The following SV2C variants were observed in gnomAD, a reference collection of about 807,000 sequenced individuals.
The protein encoded by SV2C is solute carrier family 22 member B3.
A neutral mutation model predicts 79.7 loss-of-function variants in SV2C; 49 were observed. The ratio of observed to expected loss-of-function variants is 0.61; its 90% confidence interval spans 0.49 to 0.78. The LOEUF (loss-of-function observed/expected upper bound fraction) is 0.78, where lower values mean the gene tolerates loss of function less well. SV2C is among the 30% of genes least tolerant of loss of function. The pLI is 0.00. For synonymous variants in SV2C, 334 were observed against 333.2 expected (o/e 1.00, Z -0.03); for missense variants, 833 against 912.9 (o/e 0.91, Z 1.13).
At chr5:76,074,037 G>A in the SV2C span, among the ~76,000 whole-genome samples, 1 of 152,164 alleles carries the variant, frequency 6.6e-6, no homozygotes, top group Non-Finnish European at 1.5e-5. Flanking sequence ...AAGCACTGGG[G>A]TGGCCAAGGG....
intron 2 of SV2C, among the ~76,000 whole-genome samples, chr5:76,185,237 G>C (rs1743876178): frequency 6.6e-6 from 1 of 152,192 alleles, no homozygotes; most frequent in African/African-American, 2.4e-5. Flanking sequence ...GCAGGGTACA[G>C]TTGCTGCTTT....
chr5:76,289,218 T>C (rs1384396832), intron 6 of SV2C, among the ~76,000 whole-genome samples: 1 of 152,200 alleles, frequency 6.6e-6, no homozygotes, highest in Non-Finnish European at 1.5e-5. Context: ...CTCTTCTTAG[T>C]GTGCCCTTAC....
intron 1 of SV2C, among the ~76,000 whole-genome samples, chr5:76,106,042 A>G (rs1024686486): frequency 6.6e-5 from 10 of 152,134 alleles, no homozygotes; most frequent in Non-Finnish European, 1.0e-4. Flanking sequence ...CATACTCAGC[A>G]TCTCCATTGG....
intron 1 of SV2C, among the ~76,000 whole-genome samples, chr5:76,128,380 A>G (rs1237902338): frequency 6.6e-6 from 1 of 152,246 alleles, no homozygotes; most frequent in East Asian, 1.9e-4. Context: ...GACAATTTAG[A>G]GAAGCGGTTA....
rs190006349 is a variant in SV2C, at chr5:76,288,329, C to T, written c.1137+2459C>T. 2.2e-4 allele frequency among the ~76,000 whole-genome samples: 33 copies of T among 152,230 alleles called. 1 individual carries two copies. In the East Asian group the frequency reaches 6.0e-3, roughly 28 times the overall value. On this transcript the variant is annotated intron_variant, in intron 6 of 12. Transcript: ENST00000502798. ...CTGTAAAGATAAACTGCAATTTGGC[C>T]TCTATCCAAATTATCACAGATTCTT...
intron 3 of SV2C, among the ~76,000 whole-genome samples, chr5:76,202,015 C>CAAAAAAAAAA (rs373279209): frequency 4.9e-4 from 40 of 81,882 alleles, no homozygotes; most frequent in Non-Finnish European, 7.5e-4. Context: ...GACTCCATCT[C>CAAAAAAAAAA]AAAAAAAAAA....
chr5:76,306,218 AT>A (rs1238418406), intron 12 of SV2C, among the ~76,000 whole-genome samples: 3 of 151,982 alleles, frequency 2.0e-5, no homozygotes, highest in African/African-American at 7.3e-5. Context: ...AGGCTAATTT[AT>A]TTTATTTTTT....
At chr5:75,912,476 G>C in the SV2C span, among the ~76,000 whole-genome samples, 1 of 152,152 alleles carries the variant, frequency 6.6e-6, no homozygotes, top group South Asian at 2.1e-4. Flanking sequence ...GACAGAGTAA[G>C]ACCCTGTCTC....
intron 4 of SV2C, among the ~76,000 whole-genome samples, chr5:76,237,673 A>G (rs1415145580): frequency 6.6e-6 from 1 of 152,126 alleles, no homozygotes; most frequent in Non-Finnish European, 1.5e-5. Flanking sequence ...TTATCATACC[A>G]CATACTATAT....
At chr5:76,088,851 A>G (rs1258759361) in intron 1 of SV2C, among the ~76,000 whole-genome samples, 1 of 152,128 alleles carries the variant, frequency 6.6e-6, no homozygotes, top group Non-Finnish European at 1.5e-5. Flanking sequence ...ACTAATCTAC[A>G]AATCCTAGAA....
At chr5:76,190,783 A>C (rs191049348) in intron 2 of SV2C, among the ~76,000 whole-genome samples, 1 of 152,218 alleles carries the variant, frequency 6.6e-6, no homozygotes, top group African/African-American at 2.4e-5. Flanking sequence ...CATCTAAAAA[A>C]ATGAAGCATT....
At chr5:75,996,620 G>T in the SV2C span, among the ~76,000 whole-genome samples, 2 of 152,088 alleles carry the variant, frequency 1.3e-5, no homozygotes, top group African/African-American at 4.8e-5. Flanking sequence ...CCATGAGCAT[G>T]GAATGTTCTT....
At chr5:76,173,537 G>A in intron 2 of SV2C, 1 of 1,261,316 alleles carries the variant, frequency 7.9e-7, no homozygotes, top group Non-Finnish European at 1.2e-6. Context: ...CATTTAAGAT[G>A]TTGGTAGGTT....
At chr5:75,980,016 C>T in the SV2C span, among the ~76,000 whole-genome samples, 182 of 152,090 alleles carry the variant, frequency 1.2e-3, no homozygotes, top group Middle Eastern at 3.4e-3. Flanking sequence ...CAAATAAACA[C>T]GATCAATATG....
the SV2C span, among the ~76,000 whole-genome samples, chr5:76,006,336 C>T: frequency 6.6e-6 from 1 of 152,128 alleles, no homozygotes. Context: ...TGCCCATCCT[C>T]TTCTTTTCCC....
chr5:76,231,715 A>C (rs1745429420), intron 4 of SV2C, among the ~76,000 whole-genome samples: 1 of 142,954 alleles, frequency 7.0e-6, no homozygotes, highest in Non-Finnish European at 1.5e-5. Context: ...GTGATAGTTT[A>C]CTGAGAACGA....
the SV2C span, among the ~76,000 whole-genome samples, chr5:75,889,852 T>TGTACATCAGTAC: frequency 6.6e-6 from 1 of 152,100 alleles, no homozygotes; most frequent in Non-Finnish European, 1.5e-5. Flanking sequence ...GTGCCCACTC[T>TGTACATCAGTAC]AGAGATGTGT....
chr5:76,275,277 A>T (rs149957464), intron 4 of SV2C, among the ~76,000 whole-genome samples: 116 of 152,214 alleles, frequency 7.6e-4, no homozygotes, highest in African/African-American at 2.6e-3. Flanking sequence ...CACGAGGTCA[A>T]GAGATCAAGA....
chr5:76,055,897 G>T, the SV2C span, among the ~76,000 whole-genome samples: 1 of 152,136 alleles, frequency 6.6e-6, no homozygotes, highest in East Asian at 1.9e-4. Flanking sequence ...GAGTTTTGGG[G>T]CTGAGACAAT....
Sources: gnomAD v4.1 joint callset for allele counts (sites outside exome capture counted in the v4.1 genomes callset) on GRCh38, gnomAD v4.1.1 for gene constraint, MANE v1.5 for transcripts, NCBI Gene and HGNC (gene_info 2026-07-23, HGNC 2026-07-21) for gene names.